The following GALNT13 variants were observed in gnomAD, a reference collection of about 807,000 sequenced individuals.
The protein encoded by GALNT13 is UDP-GalNAc:polypeptide N-acetylgalactosaminyltransferase 13.
Under a neutral mutation model 64.2 loss-of-function variants are expected in GALNT13, and 28 were observed. The ratio of observed to expected loss-of-function variants is 0.44; its 90% confidence interval spans 0.32 to 0.60. GALNT13 has a LOEUF of 0.60. GALNT13 is among the 20% of genes least tolerant of loss of function. GALNT13 has a pLI of 0.05. For synonymous variants in GALNT13, 214 were observed against 224.6 expected, an observed-to-expected ratio of 0.95 and a Z score of 0.42; for missense variants, 577 against 669.8, an observed-to-expected ratio of 0.86 and a Z score of 1.53.
At chr2:154,315,711 T>C (rs1460542238) in intron 9 of GALNT13, among the ~76,000 whole-genome samples, 1 of 152,226 alleles carries the variant, frequency 6.6e-6, no homozygotes, top group Admixed American at 6.5e-5. Context: ...TTGTTATATT[T>C]TACAAATTGA....
the GALNT13 span, among the ~76,000 whole-genome samples, chr2:153,131,968 A>G: frequency 6.6e-6 from 1 of 152,154 alleles, no homozygotes; most frequent in East Asian, 1.9e-4. Flanking sequence ...AGTAACCTGG[A>G]CGATGGCCAC....
At chr2:153,744,044 G>T in the GALNT13 span, among the ~76,000 whole-genome samples, 2 of 152,030 alleles carry the variant, frequency 1.3e-5, no homozygotes, top group African/African-American at 4.8e-5. Flanking sequence ...AATCCATTAT[G>T]TATATGTACA....
chr2:153,337,872 A>C, the GALNT13 span: 1 of 152,344 alleles, frequency 6.6e-6, no homozygotes, highest in South Asian at 2.1e-4. Context: ...ATCTAATAAA[A>C]TAATTAAAGT....
chr2:153,950,470 C>T (rs1035910477), intron 3 of GALNT13, among the ~76,000 whole-genome samples: 4 of 151,990 alleles, frequency 2.6e-5, no homozygotes, highest in African/African-American at 9.7e-5. Flanking sequence ...ATACCAATTG[C>T]TAAAGGTGAT....
chr2:154,126,610 G>A (rs1194660850), intron 3 of GALNT13, among the ~76,000 whole-genome samples: 5 of 150,128 alleles, frequency 3.3e-5, no homozygotes, highest in African/African-American at 7.4e-5. Flanking sequence ...ACTCCAGCCC[G>A]GACGACAGAG....
chr2:153,965,811 C>A (rs12998991), intron 3 of GALNT13, among the ~76,000 whole-genome samples: 115,063 of 149,048 alleles, frequency 0.77, 44,809 homozygotes, highest in East Asian at 0.96. Context: ...AAAAAAAAAA[C>A]CCAAAAACTA....
the GALNT13 span, among the ~76,000 whole-genome samples, chr2:153,170,445 T>C: frequency 6.6e-6 from 1 of 152,144 alleles, no homozygotes; most frequent in African/African-American, 2.4e-5. Context: ...CTAAAGTAAT[T>C]ATAAGAAGAA....
At chr2:153,733,870 T>C in the GALNT13 span, among the ~76,000 whole-genome samples, 12 of 152,284 alleles carry the variant, frequency 7.9e-5, no homozygotes, top group African/African-American at 2.9e-4. Context: ...CAGCAGACCG[T>C]CCTTTTAAAA....
the GALNT13 span, among the ~76,000 whole-genome samples, chr2:153,337,189 G>C: frequency 6.6e-6 from 1 of 152,160 alleles, no homozygotes; most frequent in African/African-American, 2.4e-5. Flanking sequence ...TTGAGACAAG[G>C]TAGGCTTATT....
chr2:154,355,765 T>C (rs990959939), intron 9 of GALNT13, among the ~76,000 whole-genome samples: 4 of 152,068 alleles, frequency 2.6e-5, no homozygotes, highest in African/African-American at 7.2e-5. Flanking sequence ...GGCAAAATTA[T>C]CCACTCAATA....
At chr2:154,100,818 C>T (rs546303626) in intron 3 of GALNT13, among the ~76,000 whole-genome samples, 17 of 152,172 alleles carry the variant, frequency 1.1e-4, no homozygotes, top group South Asian at 4.2e-4. Context: ...TTTCCCCATT[C>T]GGTCTGATAC....
chr2:153,728,039 C>T, the GALNT13 span, among the ~76,000 whole-genome samples: 6 of 152,142 alleles, frequency 3.9e-5, no homozygotes, highest in East Asian at 1.2e-3. Context: ...ATGATGGCTT[C>T]CAGCTTCATC....
chr2:154,377,753 C>A (rs2105325289), intron 9 of GALNT13, among the ~76,000 whole-genome samples: 1 of 152,176 alleles, frequency 6.6e-6, no homozygotes, highest in East Asian at 1.9e-4. Flanking sequence ...AATATTTTTT[C>A]TTCATTGTAC....
At chr2:154,154,449 C>T (rs183207936) in intron 4 of GALNT13, among the ~76,000 whole-genome samples, 2 of 151,958 alleles carry the variant, frequency 1.3e-5, no homozygotes, top group Admixed American at 6.6e-5. Context: ...TAATAGTCAA[C>T]AAGGAGATTT....
chr2:153,875,763 G>C (rs529812184), intron 1 of GALNT13, among the ~76,000 whole-genome samples: 5 of 152,166 alleles, frequency 3.3e-5, no homozygotes, highest in African/African-American at 9.7e-5. Flanking sequence ...AAGCCTTACT[G>C]TCTAAAATAA....
intron 9 of GALNT13, among the ~76,000 whole-genome samples, chr2:154,358,019 G>A (rs1256209184): frequency 6.6e-6 from 1 of 151,866 alleles, no homozygotes; most frequent in African/African-American, 2.4e-5. Flanking sequence ...GCTTTGAGTG[G>A]AATGTGCCCT....
the GALNT13 span, among the ~76,000 whole-genome samples, chr2:153,695,362 G>A: frequency 2.0e-5 from 3 of 152,186 alleles, no homozygotes; most frequent in African/African-American, 7.2e-5. Flanking sequence ...TACTAGTCAA[G>A]GGCCTAACTT....
chr2:154,301,705 A>C (rs1335312055), intron 9 of GALNT13, 116 bp downstream of exon 9: 3 of 681,176 alleles, frequency 4.4e-6, no homozygotes, highest in Non-Finnish European at 7.1e-6. Context: ...TATTACCATA[A>C]TATTGCAGAA....
chr2:153,103,171 T>A, the GALNT13 span, among the ~76,000 whole-genome samples: 1 of 152,204 alleles, frequency 6.6e-6, no homozygotes, highest in Non-Finnish European at 1.5e-5. Context: ...ACCAGAAGAA[T>A]AAACGTTTTA....
Sources: gnomAD v4.1 joint callset for allele counts (sites outside exome capture counted in the v4.1 genomes callset) on GRCh38, gnomAD v4.1.1 for gene constraint, MANE v1.5 for transcripts, NCBI Gene and HGNC (gene_info 2026-07-23, HGNC 2026-07-21) for gene names.